The following FRMPD3 variants were observed in gnomAD, a reference collection of about 807,000 sequenced individuals.
FRMPD3 encodes the protein FERM and PDZ domain-containing protein 3.
FRMPD3 carries 42 observed loss-of-function variants against 97.9 expected under a neutral mutation model. That is an observed-to-expected ratio of 0.43 (90% CI 0.34 to 0.55). FRMPD3 has a LOEUF of 0.55. Among genes scored for constraint, FRMPD3 ranks in the 20% least tolerant of loss-of-function variants. FRMPD3 has a pLI of 0.03. For synonymous variants in FRMPD3, 577 were observed against 581.1 expected (o/e 0.99, Z 0.10); for missense variants, 1,303 against 1,457.7 (o/e 0.89, Z 1.73).
At chrX:107,560,486 T>C in intron 9 of FRMPD3, 93 bp downstream of exon 9, 1 of 1,081,509 alleles carries the variant, frequency 9.2e-7, no homozygotes, top group Non-Finnish European at 1.2e-6. Context: ...TTCAGAAATG[T>C]AGGACATGGG....
chrX:107,466,326 G>C (rs758157082), intron 1 of FRMPD3, among the ~76,000 whole-genome samples: 1 of 112,620 alleles, frequency 8.9e-6, no homozygotes, highest in East Asian at 2.8e-4. Flanking sequence ...CTGGAGACCA[G>C]CTCCCCCAAC....
At chrX:107,589,493 G>A (rs1362665562) in intron 13 of FRMPD3, among the ~76,000 whole-genome samples, 1 of 109,922 alleles carries the variant, frequency 9.1e-6, no homozygotes, top group Non-Finnish European at 1.9e-5. Context: ...CTCTCAGGTG[G>A]GCCACCTGAC....
intron 1 of FRMPD3, among the ~76,000 whole-genome samples, chrX:107,466,185 G>A (rs758587653): frequency 1.8e-5 from 2 of 112,688 alleles, no homozygotes; most frequent in African/African-American, 3.2e-5. Context: ...CCAACGTTCT[G>A]CAGAAATGGG....
At chrX:107,555,274 G>C (rs1241855579) in intron 8 of FRMPD3, 1 of 111,954 alleles carries the variant, frequency 8.9e-6, no homozygotes, top group Non-Finnish European at 1.9e-5. Context: ...AAGAGGAGTA[G>C]GGAATAAAAT....
At chrX:107,590,978 C>T (rs1923872429) in intron 13 of FRMPD3, among the ~76,000 whole-genome samples, 1 of 111,400 alleles carries the variant, frequency 9.0e-6, no homozygotes, top group Admixed American at 9.6e-5. Flanking sequence ...ATAAGTGCTT[C>T]TTTCAGCATT....
chrX:107,601,772 T>G lies in FRMPD3; in HGVS notation c.3733T>G (p.Tyr1245Asp). 6 of 1,210,728 alleles carry G rather than the reference T, an allele frequency of 5.0e-6. No individual in the cohort carries two copies. The highest frequency in any genetic ancestry group is 6.7e-6 in the Non-Finnish European group (6 of 895,330). Residue 1245 changes from tyrosine (Y) to aspartate (D), a missense_variant, in exon 15 of 15, where the codon TAT becomes GAT. By Grantham distance (160) the Tyr-to-Asp change is radical. This residue lies in a region of FRMPD3 where 764 missense variants were observed against 820.2 expected (regional missense o/e 0.93). Transcript: ENST00000683843. ...RQAQLQKVKQ[Y>D]ELEFLEELLK... ...GGCCCAACTGCAGAAGGTAAAGCAG[T>G]ATGAACTGGAGTTCCTTGAGGAACT...
intron 12 of FRMPD3, among the ~76,000 whole-genome samples, chrX:107,567,143 G>T (rs1387669065): frequency 3.6e-5 from 4 of 111,041 alleles, no homozygotes; most frequent in Non-Finnish European, 7.5e-5. Context: ...TTTTTATCAG[G>T]ATTATTATTA....
In FRMPD3 at chrX:107,601,949, A is replaced by G; in HGVS notation, c.3910A>G (p.Ile1304Val). 1 of 1,175,251 alleles carries G rather than the reference A, an allele frequency of 8.5e-7. No homozygotes were observed. Among genetic ancestry groups the G allele is most frequent in the Non-Finnish European group, 1.1e-6 (1 of 878,700 alleles). The change falls in exon 15 of 15, where the codon ATC becomes GTC. Residue 1304 changes from isoleucine to valine, a missense_variant. By Grantham distance (29) the Ile-to-Val change is conservative. This residue lies in a region of FRMPD3 where 764 missense variants were observed against 820.2 expected (regional missense o/e 0.93). Transcript: ENST00000683843. ...EQRRSCDCKR[I>V]CRGGRPQATQ... ...GAGGCGCAGCTGTGACTGCAAGCGCATCTGCCGGGGGGGCCGGCCACAAGC... is the reference window on the plus strand; with the variant it reads ...GAGGCGCAGCTGTGACTGCAAGCGCGTCTGCCGGGGGGGCCGGCCACAAGC...
chrX:107,527,118 A>G (rs1922727302), intron 2 of FRMPD3, among the ~76,000 whole-genome samples: 1 of 112,217 alleles, frequency 8.9e-6, no homozygotes, highest in Non-Finnish European at 1.9e-5. Context: ...GTTGTCGGGA[A>G]GTACAAGACA....
intron 4 of FRMPD3, among the ~76,000 whole-genome samples, chrX:107,543,309 C>T (rs145430642): frequency 0.011 from 1,268 of 111,361 alleles, 18 homozygotes; most frequent in African/African-American, 0.038. Context: ...CTGAGCATCT[C>T]CCCTCTTGCT....
chrX:107,582,679 G>A (rs190808832), intron 13 of FRMPD3, among the ~76,000 whole-genome samples: 1 of 112,341 alleles, frequency 8.9e-6, no homozygotes, highest in African/African-American at 3.2e-5. Context: ...CACCATAAAT[G>A]TGAGAGGTTA....
At position 107,526,751 on chromosome X, in the gene FRMPD3, G is replaced by C; in HGVS notation, c.148+15G>C. The C allele has an allele frequency of 8.5e-7, 1 of 1,178,687 alleles. No homozygotes were observed. Among genetic ancestry groups the C allele is most frequent in the Non-Finnish European group, 1.1e-6 (1 of 877,191 alleles). ...TGTGAGGCCAGGTAGGTGTCCCTCA[G>C]AGTGTTCCCCTAGCCCTGACTCCTG... On this transcript the variant is annotated intron_variant, in intron 2 of 14. Coordinates refer to ENST00000683843, the MANE Select transcript of FRMPD3 (RefSeq NM_001388459.1).
chrX:107,565,120 A>T (rs1213439685), intron 12 of FRMPD3, 54 bp downstream of exon 12: 1 of 1,033,743 alleles, frequency 9.7e-7, no homozygotes, highest in African/African-American at 1.9e-5. Flanking sequence ...TTGGGAATAG[A>T]GGAAGAAGTA....
intron 1 of FRMPD3, among the ~76,000 whole-genome samples, chrX:107,489,170 AT>A (rs1876134297): frequency 9.2e-6 from 1 of 109,073 alleles, no homozygotes; most frequent in African/African-American, 3.4e-5. Context: ...TGAACTCTTC[AT>A]TTTTTATGGC....
intron 1 of FRMPD3, among the ~76,000 whole-genome samples, chrX:107,476,106 A>G (rs1921195349): frequency 8.9e-6 from 1 of 111,886 alleles, no homozygotes; most frequent in African/African-American, 3.3e-5. Flanking sequence ...GATGGTCTCA[A>G]TCTCTTGACC....
intron 10 of FRMPD3, 89 bp downstream of exon 10, chrX:107,560,942 C>T: frequency 1.0e-6 from 1 of 975,516 alleles, no homozygotes; most frequent in Middle Eastern, 2.9e-4. Context: ...GTCTGGTCCT[C>T]TAGGGATCCT....
intron 1 of FRMPD3, among the ~76,000 whole-genome samples, chrX:107,466,139 C>T (rs1340417029): frequency 2.7e-5 from 3 of 112,642 alleles, no homozygotes; most frequent in African/African-American, 9.7e-5. Context: ...CCATGACCAC[C>T]ATTTCACACC....
At chrX:107,498,852 C>T (rs762765051) in intron 1 of FRMPD3, among the ~76,000 whole-genome samples, 1 of 111,436 alleles carries the variant, frequency 9.0e-6, no homozygotes, top group Non-Finnish European at 1.9e-5. Flanking sequence ...AGACTTAGAA[C>T]AGGTGCAGGA....
At chrX:107,589,107 C>G (rs1045538197) in intron 13 of FRMPD3, among the ~76,000 whole-genome samples, 3 of 111,510 alleles carry the variant, frequency 2.7e-5, no homozygotes, top group African/African-American at 9.8e-5. Flanking sequence ...CCATCCAGTT[C>G]TGTGCCCTTG....
Sources: allele counts gnomAD v4.1 joint callset (sites outside exome capture counted in the v4.1 genomes callset), GRCh38; gene constraint gnomAD v4.1.1; regional missense constraint gnomAD v4.1.1; transcripts MANE v1.5; gene names NCBI Gene and HGNC (gene_info 2026-07-23, HGNC 2026-07-21).